The following FAM131A variants were observed in gnomAD, a reference collection of about 807,000 sequenced individuals.
The protein encoded by FAM131A is family with sequence similarity 131 member A.
In FAM131A, 24 loss-of-function variants were observed where a neutral mutation model predicts 39.2. The ratio of observed to expected loss-of-function variants is 0.61; its 90% confidence interval spans 0.44 to 0.86. The LOEUF (loss-of-function observed/expected upper bound fraction) is 0.86, where lower values mean the gene tolerates loss of function less well. Ranked by LOEUF, FAM131A falls within the 40% of genes least tolerant of loss-of-function variation. The pLI, the probability that FAM131A is intolerant of heterozygous loss-of-function variation, is 0.00. For synonymous variants in FAM131A, 202 were observed against 206.8 expected, an observed-to-expected ratio of 0.98 and a Z score of 0.20; for missense variants, 373 against 481.2, an observed-to-expected ratio of 0.78 and a Z score of 2.10.
chr3:184,343,116 A>G (rs1347624904), intron 5 of FAM131A: 1 of 168,942 alleles, frequency 5.9e-6, no homozygotes, highest in Non-Finnish European at 1.0e-5. Flanking sequence ...TGTGCCTTGC[A>G]GTCCTCAAAA....
At chr3:184,344,245 A>G (rs1560244159) in intron 5 of FAM131A, among the ~76,000 whole-genome samples, 3 of 152,290 alleles carry the variant, frequency 2.0e-5, no homozygotes, top group East Asian at 3.9e-4. Context: ...TCGGCCTCCC[A>G]AAGTGCTGGG....
intron 5 of FAM131A, 164 bp downstream of exon 5, chr3:184,343,024 C>A: frequency 2.0e-6 from 1 of 505,788 alleles, no homozygotes; most frequent in Non-Finnish European, 3.6e-6. Flanking sequence ...GCTGTCCACA[C>A]TCATGGGTGG....
chr3:184,344,830 G>A lies in FAM131A; in HGVS notation c.961G>A (p.Glu321Lys), dbSNP rs745630112. Reference sequence around the variant, plus strand: ...GTCCTGCCTTTCCCCCGCGGAGGAGGAGCCAGCCCCCTGCAAGGACTGCCA... The same window carrying A: ...GTCCTGCCTTTCCCCCGCGGAGGAGAAGCCAGCCCCCTGCAAGGACTGCCA... ...TESCLSPAEEEPAPCKDCQPL... is the reference protein window; with the variant it reads ...TESCLSPAEEKPAPCKDCQPL... The change falls in exon 6 of 6, where the codon GAG becomes AAG. Residue 321 changes from glutamate to lysine, a missense_variant. Physicochemically the swap from Glu to Lys is moderately conservative, Grantham distance 56. Around this residue, in one of 2 missense-constraint regions of FAM131A, gnomAD observed 152 missense variants for 133.5 expected, o/e 1.14. Coordinates refer to ENST00000383847, the MANE Select transcript of FAM131A (RefSeq NM_144635.5). The A allele has an allele frequency of 6.2e-7, 1 of 1,611,796 alleles. No homozygotes were observed. The highest frequency in any genetic ancestry group is 1.7e-5 in the Admixed American group (1 of 60,026).
chr3:184,339,337 T>A (rs1577285301), intron 2 of FAM131A: 1 of 152,392 alleles, frequency 6.6e-6, no homozygotes, highest in Non-Finnish European at 1.5e-5. Context: ...ATGGCAAGCA[T>A]TTTTTCACGT....
rs1727605539 is a variant in FAM131A, at chr3:184,345,494, C to T, written c.*524C>T. The T allele has an allele frequency of 1.4e-6, 1 of 702,780 alleles. No homozygotes were observed. The highest frequency in any genetic ancestry group is 1.7e-5 in the African/African-American group (1 of 57,256). The allele number at this position is 702,780 out of a possible 1,614,324, so 43.5% of individuals were successfully genotyped here. On this transcript the variant is annotated 3_prime_UTR_variant, in exon 6 of 6. Transcript: ENST00000383847. ...ATGGGTTGAGCCGTCCCTCAAGGGC[C>T]CCTGCCCAGCTGGGCTCGTGCTGTG...
chr3:184,342,695 C>T lies in FAM131A; in HGVS notation c.509-49C>T, dbSNP rs762235607. On this transcript the variant is annotated intron_variant, in intron 4 of 5. Coordinates refer to ENST00000383847, the MANE Select transcript of FAM131A (RefSeq NM_144635.5). The surrounding 1 kb of genome is among the most constrained non-coding windows in gnomAD (Gnocchi z 4.6). ...CCTCTCTCCTGTCTTCAAGCTGAGC[C>T]CTAGACTTAGCTCACCTTCTCTGCT... The T allele has an allele frequency of 6.6e-7, 1 of 1,526,598 alleles. No individual in the cohort carries two copies. Among genetic ancestry groups the T allele is most frequent in the East Asian group, 2.3e-5 (1 of 44,072 alleles). 94.6% of individuals were successfully genotyped at this position (1,526,598 alleles called of 1,614,324 possible).
intron 2 of FAM131A, 164 bp downstream of exon 2, chr3:184,338,693 G>A: frequency 1.2e-6 from 1 of 837,118 alleles, no homozygotes; most frequent in Non-Finnish European, 1.8e-6. Context: ...GGTCTGCTCT[G>A]CTCGGCGCTG....
At position 184,341,750 on chromosome 3, in the gene FAM131A, G is replaced by A; in HGVS notation, c.258G>A (p.Met86Ile). The A allele has an allele frequency of 2.5e-6, 4 of 1,611,194 alleles. No individual in the cohort carries two copies. Among genetic ancestry groups the A allele is most frequent in the Non-Finnish European group, 3.4e-6 (4 of 1,180,008 alleles). The part of the protein sequence containing the change: ...PEVNVGDTVA[M>I]LPKSRRALTI... ...TGAATGTTGGAGACACAGTCGCGAT[G>A]CTGCCCAAGTCCCGGCGAGCCCTAA... Residue 86 changes from methionine (M) to isoleucine (I), a missense_variant, in exon 3 of 6, where the codon ATG becomes ATA. By Grantham distance (10) the Met-to-Ile change is conservative. Transcript: ENST00000383847.
Position 184,344,852 on chromosome 3 carries a change from G to A in FAM131A, c.983G>A (p.Cys328Tyr), listed in dbSNP as rs565108026. 9.3e-6 allele frequency: 15 copies of A among 1,610,296 alleles called. No homozygotes were observed. In the Admixed American group the frequency reaches 1.0e-4, roughly 11 times the overall value. ...GAGGAGCCAGCCCCCTGCAAGGACT[G>A]CCAGCCACTCTGCCCACCACTAACG... is the stretch of plus-strand genomic sequence containing the variant. The part of the protein sequence containing the change: ...AEEEPAPCKD[C>Y]QPLCPPLTGS... Residue 328 changes from cysteine (C) to tyrosine (Y), a missense_variant, in exon 6 of 6, where the codon TGC becomes TAC. Transcript: ENST00000383847.
At chr3:184,337,754 G>A in intron 1 of FAM131A, 36 bp downstream of exon 1, 1 of 1,528,986 alleles carries the variant, frequency 6.5e-7, no homozygotes, top group Non-Finnish European at 8.8e-7. Flanking sequence ...TCTGGGAGAT[G>A]ATGGGAAGCT....
intron 5 of FAM131A, among the ~76,000 whole-genome samples, chr3:184,344,277 A>G (rs991187064): frequency 6.6e-6 from 1 of 152,014 alleles, no homozygotes; most frequent in African/African-American, 2.4e-5. Context: ...GAGCCACCGC[A>G]CCCACCTGTG....
Position 184,342,636 on chromosome 3 carries a change from C to T in FAM131A, c.509-108C>T, listed in dbSNP as rs1383549999. ...TGCTTTCTTATCTCCTCGGGTCTGACATGGGGGTTGGAGTCTTCCCATACC... is the reference window on the plus strand; with the variant it reads ...TGCTTTCTTATCTCCTCGGGTCTGATATGGGGGTTGGAGTCTTCCCATACC... On this transcript the variant is annotated intron_variant, in intron 4 of 5. Transcript: ENST00000383847. The surrounding 1 kb of genome is among the most constrained non-coding windows in gnomAD (Gnocchi z 4.6). 6.2e-6 allele frequency: 6 copies of T among 968,112 alleles called. No homozygotes were observed. Among genetic ancestry groups the T allele is most frequent in the East Asian group, 2.6e-5 (1 of 38,858 alleles). The allele number at this position is 968,112 out of a possible 1,614,324, so 60.0% of individuals were successfully genotyped here.
chr3:184,336,386 GC>G (rs945977112), upstream of FAM131A, among the ~76,000 whole-genome samples: 33 of 152,298 alleles, frequency 2.2e-4, no homozygotes, highest in African/African-American at 6.7e-4. This position sits in a 1 kb window ranked among gnomAD's most constrained non-coding sequence, Gnocchi z 5.5. Flanking sequence ...TGTGCCCACT[GC>G]TCAGGGTGGC....
chr3:184,345,309 G>A lies in FAM131A; in HGVS notation c.*339G>A. 1.7e-6 allele frequency: 1 copy of A among 587,086 alleles called. No homozygotes were observed. Among genetic ancestry groups the A allele is most frequent in the South Asian group, 2.1e-5 (1 of 48,146 alleles). The allele number at this position is 587,086 out of a possible 1,614,324, so 36.4% of individuals were successfully genotyped here. ...TAATGTGAACCACTAAGGGGGTTGT[G>A]ACTGGGCTGTGTGAGGGTGGGGTGG... On this transcript the variant is annotated 3_prime_UTR_variant, in exon 6 of 6. Transcript: ENST00000383847.
Position 184,338,228 on chromosome 3 carries a change from G to GTGGGA in FAM131A, c.89-154_89-150dup, listed in dbSNP as rs564355211. On this transcript the variant is annotated intron_variant, in intron 1 of 5. Coordinates refer to ENST00000383847, the MANE Select transcript of FAM131A (RefSeq NM_144635.5). Reference sequence around the variant, plus strand: ...CCAGGGGCCCGAGGGTCAGTGATGTGTGGGATGGGGGCTTTTAGAGTTGAG... The same window carrying GTGGGA: ...CCAGGGGCCCGAGGGTCAGTGATGTGTGGGATGGGATGGGGGCTTTTAGAGTTGAG... 1.9e-3 allele frequency among the ~76,000 whole-genome samples: 295 copies of GTGGGA among 152,208 alleles called. 2 individuals are homozygous for GTGGGA. Among genetic ancestry groups the GTGGGA allele is most frequent in the African/African-American group, 6.8e-3 (284 of 41,534 alleles).
Position 184,342,814 on chromosome 3 carries a change from C to T in FAM131A, c.579C>T (p.Ser193=), listed in dbSNP as rs757165844. ...GGTCTTCGGTGGATGGCGAGGACTC[C>T]ACTGATGACTCCTATGATGAGGACT... ...RAWSSVDGED[S]TDDSYDEDFA... The change falls in exon 5 of 6, where the codon TCC becomes TCT. Residue 193 remains serine (S), a synonymous_variant. Transcript: ENST00000383847. The surrounding 1 kb of genome is among the most constrained non-coding windows in gnomAD (Gnocchi z 4.6). 1.2e-5 allele frequency: 19 copies of T among 1,614,042 alleles called. No homozygotes were observed. The highest frequency in any genetic ancestry group is 1.5e-5 in the Non-Finnish European group (18 of 1,179,948).
At chr3:184,341,113 G>GTGTA in intron 2 of FAM131A, 1 of 156,926 alleles carries the variant, frequency 6.4e-6, no homozygotes, top group South Asian at 1.9e-4. Flanking sequence ...GTAGGAGCAG[G>GTGTA]GACTTTGCAG....
chr3:184,338,645 C>G lies in FAM131A; in HGVS notation c.231+116C>G, dbSNP rs1420782377. 5 of 1,391,384 alleles carry G rather than the reference C, an allele frequency of 3.6e-6. No individual in the cohort carries two copies. The South Asian group carries it at 5.5e-5, about 15-fold the overall frequency. 86.2% of individuals were successfully genotyped at this position (1,391,384 alleles called of 1,614,324 possible). A position where few individuals can be genotyped will look rare whatever the true frequency, so the allele number is the denominator to read the frequency against. On this transcript the variant is annotated intron_variant, in intron 2 of 5. Transcript: ENST00000383847. The stretch of plus-strand genomic sequence containing the variant: ...GGCTCCCTTTTCCGGCGGGCGGAGG[C>G]GCTATCCGGCGGCGGGCCGGGAGGC...
intron 2 of FAM131A, 72 bp from the exon 3 acceptor site, chr3:184,341,652 T>C (rs1727384516): frequency 2.3e-6 from 3 of 1,296,254 alleles, no homozygotes; most frequent in Admixed American, 3.8e-5. Flanking sequence ...ATGCCTTTGC[T>C]GGGTATGGGC....
Sources: gnomAD v4.1 joint callset for allele counts (sites outside exome capture counted in the v4.1 genomes callset) on GRCh38, gnomAD v4.1.1 for gene constraint, gnomAD v4.1.1 regional missense constraint, Gnocchi (gnomAD v3.1) non-coding constraint, MANE v1.5 for transcripts, NCBI Gene and HGNC (gene_info 2026-07-23, HGNC 2026-07-21) for gene names.